The following IBTK variants were observed in gnomAD, a reference collection of about 807,000 sequenced individuals.
The protein encoded by IBTK is inhibitor of Bruton tyrosine kinase, also known as BTK-binding protein.
Under a neutral mutation model 154.9 loss-of-function variants are expected in IBTK, and 83 were observed. That is an observed-to-expected ratio of 0.54 (90% confidence interval 0.45 to 0.64). The LOEUF (loss-of-function observed/expected upper bound fraction) is 0.64, where lower values mean the gene tolerates loss of function less well. IBTK is among the 30% of genes least tolerant of loss of function. IBTK has a pLI of 0.00. For missense variants in IBTK, 1,332 were observed against 1,584.6 expected (o/e 0.84, Z 2.71); for synonymous variants, 515 against 536.1 (o/e 0.96, Z 0.54).
At chr6:82,247,517 G>C in intron 1 of IBTK, 45 bp downstream of exon 1, 1 of 398,852 alleles carries the variant, frequency 2.5e-6, no homozygotes, top group Non-Finnish European at 4.4e-6. Flanking sequence ...CCGGGCTGAA[G>C]GGAAGCCGCA....
intron 26 of IBTK, among the ~76,000 whole-genome samples, chr6:82,176,981 T>C (rs1768144557): frequency 6.6e-6 from 1 of 152,150 alleles, no homozygotes; most frequent in Admixed American, 6.6e-5. Context: ...TTTTTTCTAA[T>C]GTTTTTCACA....
chr6:82,184,978 T>C (rs1768485372), intron 25 of IBTK, among the ~76,000 whole-genome samples: 1 of 150,904 alleles, frequency 6.6e-6, no homozygotes, highest in Non-Finnish European at 1.5e-5. Flanking sequence ...AGGTCAGGAG[T>C]TCGAAACCAG....
intron 16 of IBTK, among the ~76,000 whole-genome samples, chr6:82,210,145 T>C (rs1360880644): frequency 1.3e-5 from 2 of 152,174 alleles, no homozygotes; most frequent in Non-Finnish European, 2.9e-5. Context: ...TCTTCATAAA[T>C]TTTGGTACAA....
chr6:82,216,360 CACA>C, intron 10 of IBTK, 110 bp from the exon 11 acceptor site: 1 of 689,742 alleles, frequency 1.4e-6, no homozygotes, highest in Non-Finnish European at 2.4e-6. Context: ...AAATCTTTTT[CACA>C]TATATTCAGT....
chr6:82,234,872 G>T (rs2127826678), intron 2 of IBTK, among the ~76,000 whole-genome samples: 1 of 150,736 alleles, frequency 6.6e-6, no homozygotes, highest in South Asian at 2.1e-4. Flanking sequence ...ACTTTTTTTT[G>T]CAGGGGGGAC....
At chr6:82,245,395 A>T (rs1030126656) in intron 1 of IBTK, among the ~76,000 whole-genome samples, 13 of 151,178 alleles carry the variant, frequency 8.6e-5, no homozygotes, top group African/African-American at 3.2e-4. Context: ...CCATCGCTAC[A>T]AAAAAAAATA....
At chr6:82,232,579 T>C (rs1562104971) in intron 3 of IBTK, among the ~76,000 whole-genome samples, 1 of 152,224 alleles carries the variant, frequency 6.6e-6, no homozygotes, top group Non-Finnish European at 1.5e-5. Flanking sequence ...ATACAGAATG[T>C]GTCCTTACTC....
intron 4 of IBTK, among the ~76,000 whole-genome samples, chr6:82,231,485 T>C (rs1417060977): frequency 6.6e-6 from 1 of 152,174 alleles, no homozygotes; most frequent in Non-Finnish European, 1.5e-5. Context: ...ATTTTCTAAT[T>C]TCTAACACTA....
At chr6:82,195,374 G>C (rs932305108) in intron 22 of IBTK, among the ~76,000 whole-genome samples, 4 of 151,924 alleles carry the variant, frequency 2.6e-5, no homozygotes, top group African/African-American at 9.7e-5. Flanking sequence ...CCAGGAGTTC[G>C]AGACCAGCCT....
chr6:82,214,132 T>C (rs2127815062), intron 12 of IBTK, 95 bp downstream of exon 12: 3 of 1,243,586 alleles, frequency 2.4e-6, no homozygotes, highest in African/African-American at 1.5e-5. Context: ...ATTTTTTGTA[T>C]TTTTAGTAGA....
At chr6:82,221,047 C>T (rs978167268) in intron 8 of IBTK, among the ~76,000 whole-genome samples, 1 of 151,674 alleles carries the variant, frequency 6.6e-6, no homozygotes, top group Non-Finnish European at 1.5e-5. Context: ...CTGGTATGGG[C>T]TGGGTGCAGT....
At position 82,240,564 on chromosome 6, in the gene IBTK, G is replaced by A; in HGVS notation, c.-78C>T. The A allele has an allele frequency of 1.7e-6, 2 of 1,182,858 alleles. No homozygotes were observed. Among genetic ancestry groups the A allele is most frequent in the Admixed American group, 2.1e-5 (1 of 46,824 alleles). 73.3% of individuals were successfully genotyped at this position (1,182,858 alleles called of 1,614,324 possible). On this transcript the variant is annotated 5_prime_UTR_variant, in exon 2 of 29. Transcript: ENST00000306270. ...AATGAAAAAGCCAGGACACAAAGGT[G>A]CTATTGAGGAAGTTACAGAGAATAA...
At chr6:82,179,063 A>C (rs1768220078) in intron 26 of IBTK, among the ~76,000 whole-genome samples, 1 of 152,256 alleles carries the variant, frequency 6.6e-6, no homozygotes, top group Non-Finnish European at 1.5e-5. Flanking sequence ...AAAGAAAGGC[A>C]AGACCAGTCA....
chr6:82,237,172 G>C (rs1178975948), intron 2 of IBTK, among the ~76,000 whole-genome samples: 1 of 151,936 alleles, frequency 6.6e-6, no homozygotes, highest in Non-Finnish European at 1.5e-5. Flanking sequence ...CAACCCCTAG[G>C]ATGGCAGGAA....
In IBTK at chr6:82,231,837, T is replaced by A. The variant is rs750876109; in HGVS notation, c.424A>T (p.Thr142Ser). ...TTATCGCCCCAAGTATAAACATCTG[T>A]AGGATCTAAAATAAAAATTAGTTTT... ...THVVFKNTDP[T>S]DVYTWGDNTN... The change falls in exon 4 of 29, where the codon ACA (threonine) becomes TCA (serine). Residue 142 changes from threonine (T) to serine (S), a missense_variant. Transcript: ENST00000306270. 65 of 1,547,216 alleles carry A rather than the reference T, an allele frequency of 4.2e-5. No individual in the cohort carries two copies. The highest frequency in any genetic ancestry group is 1.7e-4 in the Middle Eastern group (1 of 5,828).
At position 82,200,643 on chromosome 6, in the gene IBTK, T is replaced by A. The variant is rs1769168192; in HGVS notation, c.2856A>T (p.Glu952Asp). Reference protein sequence around the residue: ...YQDGPDISYLEVEDGDIFLKE... With the variant: ...YQDGPDISYLDVEDGDIFLKE... ...TCAAGAAGATATCTCCATCTTCTAC[T>A]TCCAAATAGCTAATATCTGGTCCAT... Residue 952 changes from glutamate (E) to aspartate (D), a missense_variant, in exon 20 of 29, where the codon GAA (glutamate) becomes GAT (aspartate). By Grantham distance (45) the Glu-to-Asp change is conservative. Around this residue, in one of 3 missense-constraint regions of IBTK, gnomAD observed 1,134 missense variants for 1,274.7 expected, o/e 0.89. Coordinates refer to ENST00000306270, the MANE Select transcript of IBTK (RefSeq NM_015525.4). 1.3e-6 allele frequency: 2 copies of A among 1,597,276 alleles called. No individual in the cohort carries two copies. Among genetic ancestry groups the A allele is most frequent in the African/African-American group, 1.4e-5 (1 of 73,798 alleles).
At chr6:82,207,596 C>G (rs1000339159) in intron 16 of IBTK, among the ~76,000 whole-genome samples, 1 of 152,082 alleles carries the variant, frequency 6.6e-6, no homozygotes, top group Admixed American at 6.6e-5. Flanking sequence ...CTAAAATTCA[C>G]ATGAAAATGC....
At chr6:82,187,137 A>G (rs1716646896) in intron 25 of IBTK, among the ~76,000 whole-genome samples, 1 of 152,042 alleles carries the variant, frequency 6.6e-6, no homozygotes, top group Non-Finnish European at 1.5e-5. Flanking sequence ...GCTGGTCTCA[A>G]ACTCCTGACC....
chr6:82,209,701 A>G (rs754310015), intron 16 of IBTK, among the ~76,000 whole-genome samples: 7 of 152,334 alleles, frequency 4.6e-5, no homozygotes, highest in Non-Finnish European at 7.3e-5. Flanking sequence ...CTTTAAAAGT[A>G]TAAGTTTTAT....
Sources: allele counts gnomAD v4.1 joint callset (sites outside exome capture counted in the v4.1 genomes callset), GRCh38; gene constraint gnomAD v4.1.1; regional missense constraint gnomAD v4.1.1; transcripts MANE v1.5; gene names NCBI Gene and HGNC (gene_info 2026-07-23, HGNC 2026-07-21).